The following CCDC178 variants were observed in gnomAD, a reference collection of about 807,000 sequenced individuals.
CCDC178 encodes the protein coiled-coil domain containing 178.
Under a neutral mutation model 117.4 loss-of-function variants are expected in CCDC178, and 126 were observed. The ratio of observed to expected loss-of-function variants is 1.07; its 90% CI spans 0.93 to 1.24. The LOEUF (loss-of-function observed/expected upper bound fraction) is 1.24, where lower values mean the gene tolerates loss of function less well. Among genes scored for constraint, CCDC178 ranks in the 50% most tolerant of loss-of-function variants. The pLI is 0.00. For missense variants in CCDC178, 1,030 were observed against 986.9 expected, an observed-to-expected ratio of 1.04 and a Z score of -0.59; for synonymous variants, 283 against 313.4, an observed-to-expected ratio of 0.90 and a Z score of 1.02.
intron 12 of CCDC178, among the ~76,000 whole-genome samples, chr18:33,276,028 GTAAA>G (rs148486473): frequency 1.7e-4 from 25 of 146,858 alleles, no homozygotes; most frequent in East Asian, 4.0e-4. Context: ...AAGTAAGTGA[GTAAA>G]TAAATAAATA....
chr18:33,112,344 T>C (rs889813836), intron 20 of CCDC178, among the ~76,000 whole-genome samples: 2 of 151,808 alleles, frequency 1.3e-5, no homozygotes, highest in Non-Finnish European at 2.9e-5. Flanking sequence ...AGTAACATAT[T>C]AAATTTCTTC....
chr18:33,043,906 T>C (rs2056595751), intron 21 of CCDC178, among the ~76,000 whole-genome samples: 2 of 151,874 alleles, frequency 1.3e-5, no homozygotes, highest in Non-Finnish European at 2.9e-5. Flanking sequence ...ATCAAAATCA[T>C]ATGGCACTAG....
chr18:33,203,240 T>C (rs2059013063), intron 20 of CCDC178, among the ~76,000 whole-genome samples: 1 of 152,208 alleles, frequency 6.6e-6, no homozygotes, highest in South Asian at 2.1e-4. Flanking sequence ...GCTTTTTCAT[T>C]TATAGACACT....
intron 20 of CCDC178, among the ~76,000 whole-genome samples, chr18:33,175,467 A>G (rs1478952539): frequency 6.6e-6 from 1 of 152,020 alleles, no homozygotes; most frequent in Non-Finnish European, 1.5e-5. Flanking sequence ...TCAGCCTCCC[A>G]GTAGTTGGGA....
chr18:33,006,973 T>C (rs1287814190), intron 21 of CCDC178, among the ~76,000 whole-genome samples: 1 of 152,090 alleles, frequency 6.6e-6, no homozygotes, highest in Non-Finnish European at 1.5e-5. Context: ...TGTGAGATGC[T>C]GAGCAGAGGA....
chr18:33,272,847 C>G (rs1202474410), intron 12 of CCDC178, among the ~76,000 whole-genome samples: 3 of 150,914 alleles, frequency 2.0e-5, no homozygotes, highest in Non-Finnish European at 4.5e-5. Context: ...ATTTCTATAC[C>G]CTTTTGTAAT....
intron 21 of CCDC178, among the ~76,000 whole-genome samples, chr18:32,996,721 G>T (rs897654931): frequency 6.6e-6 from 1 of 151,860 alleles, no homozygotes; most frequent in Non-Finnish European, 1.5e-5. Context: ...TATTTTCTAA[G>T]CACAAAATAA....
chr18:32,987,835 C>T lies in CCDC178; in HGVS notation c.2389-13154G>A, dbSNP rs149530465. Among the ~76,000 whole-genome samples the T allele has an allele frequency of 4.7e-3, 717 of 152,178 alleles. 12 individuals carry two copies. The highest frequency in any genetic ancestry group is 3.4e-3 in the Middle Eastern group (1 of 294). On this transcript the variant is annotated intron_variant, in intron 21 of 22. Transcript: ENST00000383096. ...ACATTTGGCTGGGTGCAGTGGCTCA[C>T]GCCTGTAATCCCAGCACTTTGGGAG... is the stretch of plus-strand genomic sequence containing the variant.
At chr18:33,163,752 A>G (rs1314638946) in intron 20 of CCDC178, among the ~76,000 whole-genome samples, 1 of 152,234 alleles carries the variant, frequency 6.6e-6, no homozygotes, top group African/African-American at 2.4e-5. Flanking sequence ...ATTAAAAGAT[A>G]CTAAACAAGC....
At chr18:33,178,071 C>T (rs2058685153) in intron 20 of CCDC178, among the ~76,000 whole-genome samples, 1 of 152,070 alleles carries the variant, frequency 6.6e-6, no homozygotes, top group Non-Finnish European at 1.5e-5. Flanking sequence ...AACTTCAATG[C>T]AATATTTGTC....
At chr18:33,344,774 G>C (rs1168551836) in intron 9 of CCDC178, among the ~76,000 whole-genome samples, 1 of 137,178 alleles carries the variant, frequency 7.3e-6, no homozygotes, top group African/African-American at 2.8e-5. Flanking sequence ...TGTCTTTTCT[G>C]ACCCTATGGT....
chr18:33,370,921 C>T (rs1049783462), intron 5 of CCDC178, among the ~76,000 whole-genome samples: 4 of 152,018 alleles, frequency 2.6e-5, no homozygotes, highest in Admixed American at 2.6e-4. Context: ...TGCTTACTTG[C>T]AGTCCTTTTG....
chr18:33,321,140 G>T (rs1331975715), intron 11 of CCDC178, among the ~76,000 whole-genome samples: 1 of 152,286 alleles, frequency 6.6e-6, no homozygotes, highest in East Asian at 1.9e-4. Context: ...AAAAATGCTA[G>T]AAGAAAACCT....
intron 21 of CCDC178, among the ~76,000 whole-genome samples, chr18:33,003,060 G>A (rs1381756785): frequency 1.3e-5 from 2 of 152,060 alleles, no homozygotes; most frequent in Non-Finnish European, 2.9e-5. Flanking sequence ...AGAAAAGCCT[G>A]GGACCTGATG....
intron 10 of CCDC178, among the ~76,000 whole-genome samples, chr18:33,331,582 T>G (rs2062670079): frequency 6.6e-6 from 1 of 152,070 alleles, no homozygotes; most frequent in African/African-American, 2.4e-5. Context: ...TTTCCTAGAA[T>G]TTGCAGCCAA....
In CCDC178 at chr18:33,115,551, T is replaced by C. The variant is rs1325348958; in HGVS notation, c.2239-22641A>G. Among the ~76,000 whole-genome samples, 4 of 152,100 alleles carry C rather than the reference T, an allele frequency of 2.6e-5. No homozygotes were observed. The East Asian group carries it at 7.7e-4, about 29-fold the overall frequency. On this transcript the variant is annotated intron_variant, in intron 20 of 22. Transcript: ENST00000383096. The stretch of plus-strand genomic sequence containing the variant: ...AGCCATAGCGTCTACAGTCAAATAC[T>C]GACTACAGTTTTAGTAATCACCGAA...
intron 12 of CCDC178, among the ~76,000 whole-genome samples, chr18:33,289,516 AG>A (rs1375622259): frequency 6.6e-6 from 1 of 152,078 alleles, no homozygotes; most frequent in Admixed American, 6.6e-5. Context: ...GGGGAGGCTG[AG>A]GCTGGAGAAT....
chr18:33,357,501 G>C (rs1159384043), intron 6 of CCDC178, among the ~76,000 whole-genome samples: 1 of 152,242 alleles, frequency 6.6e-6, no homozygotes, highest in African/African-American at 2.4e-5. Context: ...CTAACAGTCA[G>C]AAGTACATGA....
At chr18:33,011,307 T>C (rs1365300800) in intron 21 of CCDC178, among the ~76,000 whole-genome samples, 1 of 152,176 alleles carries the variant, frequency 6.6e-6, no homozygotes, top group Admixed American at 6.5e-5. Flanking sequence ...GAAGTCTTTT[T>C]CTTAAGTTAT....
Sources: allele counts gnomAD v4.1 joint callset (sites outside exome capture counted in the v4.1 genomes callset), GRCh38; gene constraint gnomAD v4.1.1; transcripts MANE v1.5; gene names NCBI Gene and HGNC (gene_info 2026-07-23, HGNC 2026-07-21).